The following TRAPPC9 variants were observed in gnomAD, a reference collection of about 807,000 sequenced individuals.
TRAPPC9 encodes the protein IKK2 binding protein.
In TRAPPC9, 83 loss-of-function variants were observed where a neutral mutation model predicts 124.0. That is an observed-to-expected ratio of 0.67 (90% confidence interval 0.56 to 0.80). The LOEUF is 0.80. Ranked by LOEUF, TRAPPC9 falls within the 30% of genes least tolerant of loss-of-function variation. The pLI is 0.00. For missense variants in TRAPPC9, 1,302 were observed against 1,508.3 expected (o/e 0.86, Z 2.27); for synonymous variants, 638 against 617.5 (o/e 1.03, Z -0.49).
chr8:140,188,112 G>A (rs1452219700), intron 17 of TRAPPC9, among the ~76,000 whole-genome samples: 1 of 152,224 alleles, frequency 6.6e-6, no homozygotes, highest in Non-Finnish European at 1.5e-5. Flanking sequence ...GCCTCCCAGA[G>A]ATCATGGGAG....
intron 4 of TRAPPC9, among the ~76,000 whole-genome samples, chr8:140,432,761 A>T (rs1222117467): frequency 6.6e-6 from 1 of 151,868 alleles, no homozygotes; most frequent in African/African-American, 2.4e-5. Context: ...AGTCCCAGCT[A>T]CTCGGGAGGC....
intron 9 of TRAPPC9, among the ~76,000 whole-genome samples, chr8:140,331,381 A>G (rs896425061): frequency 2.6e-5 from 4 of 152,180 alleles, no homozygotes; most frequent in Admixed American, 6.5e-5. Context: ...GAAGAAAAAC[A>G]TAGGGAAAAC....
In TRAPPC9 at chr8:140,113,317, T is replaced by A. The variant is rs569935655; in HGVS notation, c.2557-89238A>T. 3.3e-5 allele frequency among the ~76,000 whole-genome samples: 5 copies of A among 152,322 alleles called. No homozygotes were observed. The South Asian group carries it at 1.0e-3, about 32-fold the overall frequency. On this transcript the variant is annotated intron_variant, in intron 17 of 22. Transcript: ENST00000438773. The stretch of plus-strand genomic sequence containing the variant: ...AGGCTGAAGCCCGCTCTCAAACTCA[T>A]AGCGGCAGGGACGGTATTTCCAGCA...
intron 7 of TRAPPC9, among the ~76,000 whole-genome samples, chr8:140,392,026 CAAA>C (rs35599095): frequency 6.9e-6 from 1 of 144,092 alleles, no homozygotes. Flanking sequence ...AACTCCGTCT[CAAA>C]AAAAAAAAAA....
intron 17 of TRAPPC9, among the ~76,000 whole-genome samples, chr8:140,054,753 A>G (rs537179142): frequency 1.4e-4 from 22 of 152,286 alleles, no homozygotes; most frequent in African/African-American, 5.1e-4. Flanking sequence ...TCATTAGAAG[A>G]TGACTATGAA....
chr8:139,846,123 C>G (rs1827059820), intron 21 of TRAPPC9, among the ~76,000 whole-genome samples: 2 of 152,248 alleles, frequency 1.3e-5, no homozygotes, highest in South Asian at 4.1e-4. Context: ...TGAAGAAACA[C>G]CGCTACAGGC....
Position 140,125,587 on chromosome 8 carries a change from C to CTTTTTTTTTTTTTTTT in TRAPPC9, c.2556+95856_2556+95871dup, listed in dbSNP as rs11292333. ...GCATGTTCATTTATCGAATCTCATT[C>CTTTTTTTTTTTTTTTT]TTTTTTTTTTTTTTTTTTTTTTTTT... On this transcript the variant is annotated intron_variant, in intron 17 of 22. Transcript: ENST00000438773. Among the ~76,000 whole-genome samples the CTTTTTTTTTTTTTTTT allele has an allele frequency of 5.6e-4, 38 of 67,820 alleles. 1 individual carries two copies. Among genetic ancestry groups the CTTTTTTTTTTTTTTTT allele is most frequent in the Non-Finnish European group, 6.1e-4 (23 of 37,470 alleles). The allele number at this position is 67,820 out of a possible 152,430, so 44.5% of individuals were successfully genotyped here. A position where few individuals can be genotyped will look rare whatever the true frequency, so the allele number is the denominator to read the frequency against.
chr8:140,056,240 C>T (rs1343647417), intron 17 of TRAPPC9, among the ~76,000 whole-genome samples: 4 of 149,006 alleles, frequency 2.7e-5, no homozygotes. Context: ...GAGGCCCCAT[C>T]TCTACAGAAA....
Position 140,103,315 on chromosome 8 carries a change from G to C in TRAPPC9, c.2557-79236C>G, listed in dbSNP as rs550700218. ...CCTCAGTTTCCTCATCTGTAAACCA[G>C]GACTAGTAATAGGACCCACCTCGGA... is the stretch of plus-strand genomic sequence containing the variant. On this transcript the variant is annotated intron_variant, in intron 17 of 22. Transcript: ENST00000438773. Among the ~76,000 whole-genome samples the C allele has an allele frequency of 3.0e-4, 45 of 152,278 alleles. 1 individual carries two copies. In the South Asian group the frequency reaches 9.1e-3, roughly 31 times the overall value.
intron 21 of TRAPPC9, among the ~76,000 whole-genome samples, chr8:139,756,811 G>A: frequency 7.4e-6 from 1 of 135,816 alleles, no homozygotes; most frequent in African/African-American, 2.8e-5. Flanking sequence ...TGTCGCAGGA[G>A]GAGCCAGGGA....
intron 17 of TRAPPC9, among the ~76,000 whole-genome samples, chr8:140,163,429 C>T (rs905824903): frequency 6.6e-6 from 1 of 152,216 alleles, no homozygotes; most frequent in South Asian, 2.1e-4. Context: ...ATTCTGTGTC[C>T]AGTTTTCTGG....
intron 2 of TRAPPC9, among the ~76,000 whole-genome samples, chr8:140,446,939 G>A (rs116920727): frequency 0.026 from 3,955 of 152,166 alleles, 95 homozygotes; most frequent in Middle Eastern, 0.085. Flanking sequence ...AAAGACAGCC[G>A]CACCCTCCCG....
chr8:140,057,003 A>T (rs1842323456), intron 17 of TRAPPC9, among the ~76,000 whole-genome samples: 1 of 152,236 alleles, frequency 6.6e-6, no homozygotes, highest in South Asian at 2.1e-4. Flanking sequence ...ATGATTAATA[A>T]ATAACACAAT....
intron 10 of TRAPPC9, among the ~76,000 whole-genome samples, chr8:140,307,760 T>G (rs1309025011): frequency 6.6e-6 from 1 of 152,186 alleles, no homozygotes; most frequent in Non-Finnish European, 1.5e-5. Context: ...ACATTTTTGC[T>G]TCCCTATTAA....
At chr8:140,211,312 A>T (rs916301610) in intron 17 of TRAPPC9, among the ~76,000 whole-genome samples, 1 of 152,238 alleles carries the variant, frequency 6.6e-6, no homozygotes, top group African/African-American at 2.4e-5. Context: ...TAATTCCAGC[A>T]CTTTGGTAGA....
chr8:140,007,008 AAAG>A (rs760224172), intron 18 of TRAPPC9, among the ~76,000 whole-genome samples: 5 of 152,228 alleles, frequency 3.3e-5, no homozygotes, highest in Non-Finnish European at 7.3e-5. Flanking sequence ...AGCTGTTTAA[AAAG>A]AAGAAGGCCA....
At chr8:140,450,769 T>G (rs775464782) in intron 2 of TRAPPC9, 21 bp downstream of exon 2, 5 of 1,581,910 alleles carry the variant, frequency 3.2e-6, no homozygotes, top group Non-Finnish European at 4.3e-6. Context: ...CCAAGGGGCC[T>G]GGGTCTCTAG....
At chr8:140,367,283 C>G (rs55864224) in intron 8 of TRAPPC9, among the ~76,000 whole-genome samples, 5,462 of 152,260 alleles carry the variant, frequency 0.036, 206 homozygotes, top group African/African-American at 0.097. Context: ...ATGTTTATGG[C>G]TGCTTTACAA....
In TRAPPC9 at chr8:140,189,100, C is replaced by T. The variant is rs2062421004; in HGVS notation, c.2556+32359G>A. On this transcript the variant is annotated intron_variant, in intron 17 of 22. Coordinates refer to ENST00000438773, the MANE Select transcript of TRAPPC9 (RefSeq NM_001160372.4). Reference sequence around the variant, plus strand: ...ACCAAATCCTTCTCACATCAATTCCCTCCTTTCCACCTTCACTAAAACTGC... The same window carrying T: ...ACCAAATCCTTCTCACATCAATTCCTTCCTTTCCACCTTCACTAAAACTGC... Among the ~76,000 whole-genome samples the T allele has an allele frequency of 1.3e-5, 2 of 152,230 alleles. 1 individual carries two copies. Among genetic ancestry groups the T allele is most frequent in the Admixed American group, 1.3e-4 (2 of 15,290 alleles).
Sources: allele counts gnomAD v4.1 joint callset (sites outside exome capture counted in the v4.1 genomes callset), GRCh38; gene constraint gnomAD v4.1.1; transcripts MANE v1.5; gene names NCBI Gene and HGNC (gene_info 2026-07-23, HGNC 2026-07-21).